The following SBF1 variants were observed in gnomAD, a reference collection of about 807,000 sequenced individuals.
The protein encoded by SBF1 is myotubularin-related protein 5.
A neutral mutation model predicts 215.8 loss-of-function variants in SBF1; 65 were observed. The ratio of observed to expected loss-of-function variants is 0.30; its 90% CI spans 0.25 to 0.37. The LOEUF is 0.37. SBF1 is among the 10% of genes least tolerant of loss of function. SBF1 has a pLI of 1.00. For synonymous variants in SBF1, 1,410 were observed against 1,122.8 expected (o/e 1.26, Z -5.11); for missense variants, 2,634 against 2,667.8 (o/e 0.99, Z 0.28).
intron 36 of SBF1, among the ~76,000 whole-genome samples, chr22:50,451,854 T>TGGCGCGATCTCAGCTCAGTGCAGC (rs2067060374): frequency 1.3e-5 from 2 of 150,768 alleles, no homozygotes; most frequent in Admixed American, 6.6e-5. Flanking sequence ...TGCAGTGCAG[T>TGGCGCGATCTCAGCTCAGTGCAGC]GGCGCGATCT....
intron 1 of SBF1, among the ~76,000 whole-genome samples, chr22:50,473,624 AG>A (rs552851538): frequency 6.6e-6 from 1 of 152,128 alleles, no homozygotes; most frequent in East Asian, 1.9e-4. Flanking sequence ...CAGGAAGTGT[AG>A]GGGGGTGTCC....
chr22:50,468,573 G>A lies in SBF1; in HGVS notation c.56-112C>T, dbSNP rs984328763. 8.6e-6 allele frequency: 6 copies of A among 694,864 alleles called. No individual in the cohort carries two copies. In the Admixed American group the frequency reaches 1.6e-4, roughly 18 times the overall value. The allele number at this position is 694,864 out of a possible 1,614,324, so 43.0% of individuals were successfully genotyped here. On this transcript the variant is annotated intron_variant, in intron 1 of 40. Transcript: ENST00000380817. Reference sequence around the variant, plus strand: ...CCCACTGGGCCCTCATCTGGCACCAGATCAGCCACAGCTCCCTAAAAATAG... The same window carrying A: ...CCCACTGGGCCCTCATCTGGCACCAAATCAGCCACAGCTCCCTAAAAATAG...
intron 36 of SBF1, among the ~76,000 whole-genome samples, chr22:50,451,498 T>C (rs1359340871): frequency 6.6e-6 from 1 of 152,192 alleles, no homozygotes; most frequent in Non-Finnish European, 1.5e-5. Flanking sequence ...CAGCAACGTA[T>C]GGGACAATAA....
intron 36 of SBF1, among the ~76,000 whole-genome samples, chr22:50,450,656 G>A (rs2067010515): frequency 6.6e-6 from 1 of 152,198 alleles, no homozygotes; most frequent in Non-Finnish European, 1.5e-5. Flanking sequence ...AAGCCCTGGA[G>A]AGGCCACACG....
chr22:50,466,148 A>G lies in SBF1; in HGVS notation c.897+2T>C, dbSNP rs1341395790. On this transcript the variant is annotated splice_donor_variant, in intron 8 of 40. Transcript: ENST00000380817. LOFTEE classifies it high-confidence loss of function. ...GAGGTGGACACAAAGCACAGCCCTT[A>G]CCAGCTCCTGGGTCTCTGCCTGGAA... The G allele has an allele frequency of 6.2e-7, 1 of 1,613,564 alleles. No homozygotes were observed. The highest frequency in any genetic ancestry group is 1.7e-5 in the Admixed American group (1 of 60,026).
At chr22:50,461,398 C>G (rs1038193418) in intron 22 of SBF1, 112 bp from the exon 23 acceptor site, 2 of 1,501,838 alleles carry the variant, frequency 1.3e-6, no homozygotes, top group African/African-American at 2.8e-5. Flanking sequence ...AAGGAGCAGA[C>G]AAAGGCCCGT....
chr22:50,463,879 T>C (rs1193212889), intron 15 of SBF1, among the ~76,000 whole-genome samples: 2 of 152,044 alleles, frequency 1.3e-5, no homozygotes, highest in African/African-American at 2.4e-5. Flanking sequence ...CAACTGGCCA[T>C]GATGAAAGAC....
At chr22:50,470,229 A>G (rs1399772014) in intron 1 of SBF1, among the ~76,000 whole-genome samples, 1 of 150,698 alleles carries the variant, frequency 6.6e-6, no homozygotes, top group Non-Finnish European at 1.5e-5. Flanking sequence ...AGTTCTTGCC[A>G]CGAGGCAGCA....
chr22:50,451,383 T>C (rs988628437), intron 36 of SBF1, among the ~76,000 whole-genome samples: 1 of 151,986 alleles, frequency 6.6e-6, no homozygotes, highest in African/African-American at 2.4e-5. Flanking sequence ...GGCTTCAGTA[T>C]ATTAAAAACA....
At chr22:50,466,308 A>T in intron 7 of SBF1, 42 bp downstream of exon 7, 1 of 1,603,396 alleles carries the variant, frequency 6.2e-7, no homozygotes, top group Non-Finnish European at 8.5e-7. Flanking sequence ...GGCTGGGCAA[A>T]GGGGCCAGGA....
chr22:50,447,108 C>A lies in SBF1; in HGVS notation c.*34G>T, dbSNP rs1194382913. 8.8e-6 allele frequency: 14 copies of A among 1,584,900 alleles called. No individual in the cohort carries two copies. Among genetic ancestry groups the A allele is most frequent in the Non-Finnish European group, 1.1e-5 (13 of 1,162,764 alleles). On this transcript the variant is annotated 3_prime_UTR_variant, in exon 41 of 41. Coordinates refer to ENST00000380817, the MANE Select transcript of SBF1 (RefSeq NM_002972.4). ...GCCCACCCCTAGTGGTCGGTAACGA[C>A]CGGAAGCAGAGCAGCCGGGCAGGGC...
At position 50,465,748 on chromosome 22, in the gene SBF1, A is replaced by G. The variant is rs570283409; in HGVS notation, c.1089+15T>C. 3.4e-4 allele frequency: 532 copies of G among 1,586,512 alleles called. 4 individuals carry two copies. In the South Asian group the frequency reaches 5.9e-3, roughly 17 times the overall value. ...GTGCCTGGGGTCCCCATGCAGGAGCAGCAACGACCCCCACCTGCATCTTCA... is the reference window on the plus strand; with the variant it reads ...GTGCCTGGGGTCCCCATGCAGGAGCGGCAACGACCCCCACCTGCATCTTCA... On this transcript the variant is annotated intron_variant, in intron 10 of 40. Coordinates refer to ENST00000380817, the MANE Select transcript of SBF1 (RefSeq NM_002972.4).
chr22:50,464,111 C>T (rs2067644194), intron 15 of SBF1, among the ~76,000 whole-genome samples: 3 of 152,210 alleles, frequency 2.0e-5, no homozygotes, highest in Non-Finnish European at 4.4e-5. Flanking sequence ...AGTACATCTC[C>T]CTGGCTGGGT....
intron 36 of SBF1, among the ~76,000 whole-genome samples, chr22:50,451,242 G>A (rs1036574836): frequency 7.9e-5 from 12 of 151,542 alleles, no homozygotes; most frequent in Non-Finnish European, 1.3e-4. Context: ...TCAAGAGGCT[G>A]AATGAAGCAG....
chr22:50,450,832 G>A (rs916578873), intron 36 of SBF1, among the ~76,000 whole-genome samples: 1 of 152,118 alleles, frequency 6.6e-6, no homozygotes, highest in Non-Finnish European at 1.5e-5. Flanking sequence ...CACAGGCAGG[G>A]CACAGTGGCT....
chr22:50,459,190 C>G (rs1213889401), intron 28 of SBF1, 65 bp downstream of exon 28: 12 of 1,543,674 alleles, frequency 7.8e-6, no homozygotes, highest in Non-Finnish European at 1.1e-5. Context: ...GCCTGCCAAA[C>G]CATAAATGCC....
chr22:50,464,950 T>A (rs757540533), intron 12 of SBF1, 33 bp from the exon 13 acceptor site: 1 of 1,613,248 alleles, frequency 6.2e-7, no homozygotes. Flanking sequence ...AGGTAAGCCA[T>A]GGTCAGGCGG....
rs1009072419 is a variant in SBF1, at chr22:50,445,492, C to T, written c.*1650G>A. 3.9e-5 allele frequency: 6 copies of T among 152,292 alleles called. No individual in the cohort carries two copies. The highest frequency in any genetic ancestry group is 1.9e-4 in the East Asian group (1 of 5,204). 9.4% of individuals were successfully genotyped at this position (152,292 alleles called of 1,614,324 possible). On this transcript the variant is annotated 3_prime_UTR_variant, in exon 41 of 41. Coordinates refer to ENST00000380817, the MANE Select transcript of SBF1 (RefSeq NM_002972.4). Reference sequence around the variant, plus strand: ...GGAACCCGCTCAGCTCCCCAGAGGCCGAGTCTCTGCCCCAGCTACACATTG... The same window carrying T: ...GGAACCCGCTCAGCTCCCCAGAGGCTGAGTCTCTGCCCCAGCTACACATTG...
At position 50,467,927 on chromosome 22, in the gene SBF1, C is replaced by T. The variant is rs1258104506; in HGVS notation, c.142-4G>A. On this transcript the variant is annotated splice_region_variant and splice_polypyrimidine_tract_variant and intron_variant, in intron 2 of 40. Transcript: ENST00000380817. ...GCCACCCGCTGGGCTGGCAAAACTG[C>T]AGGGAAGGCTCAGCAGTCAGCTCCT... 1 of 1,613,488 alleles carries T rather than the reference C, an allele frequency of 6.2e-7. No homozygotes were observed. Among genetic ancestry groups the T allele is most frequent in the African/African-American group, 1.3e-5 (1 of 74,916 alleles).
Sources: allele counts gnomAD v4.1 joint callset (sites outside exome capture counted in the v4.1 genomes callset), GRCh38; gene constraint gnomAD v4.1.1; transcripts MANE v1.5; gene names NCBI Gene and HGNC (gene_info 2026-07-23, HGNC 2026-07-21).